Variants in SGCZ observed in about 807,000 individuals in gnomAD.
The protein encoded by SGCZ is zeta-sarcoglycan.
A neutral mutation model predicts 41.3 loss-of-function variants in SGCZ; 40 were observed. The ratio of observed to expected loss-of-function variants is 0.97; its 90% CI spans 0.75 to 1.26. SGCZ has a LOEUF of 1.26. Among genes scored for constraint, SGCZ ranks in the 50% most tolerant of loss-of-function variants. SGCZ has a pLI of 0.00. For synonymous variants in SGCZ, 206 were observed against 137.5 expected, an observed-to-expected ratio of 1.50 and a Z score of -3.49; for missense variants, 552 against 369.8, an observed-to-expected ratio of 1.49 and a Z score of -4.04.
At chr8:14,431,949 C>T (rs1563325232) in intron 2 of SGCZ, among the ~76,000 whole-genome samples, 1 of 152,136 alleles carries the variant, frequency 6.6e-6, no homozygotes, top group Admixed American at 6.6e-5. Flanking sequence ...CACTAATGAT[C>T]TGGGAAATGC....
Position 14,741,121 on chromosome 8 carries a change from A to G in SGCZ, c.40-186195T>C, listed in dbSNP as rs561645601. ...AAACAGAAATTAAAACCAGGAATATATATGTCTAAAGCTTGTGTATTTAAC... is the reference window on the plus strand; with the variant it reads ...AAACAGAAATTAAAACCAGGAATATGTATGTCTAAAGCTTGTGTATTTAAC... On this transcript the variant is annotated intron_variant, in intron 1 of 7. Coordinates refer to ENST00000382080, the MANE Select transcript of SGCZ (RefSeq NM_139167.4). Among the ~76,000 whole-genome samples, 3 of 152,168 alleles carry G rather than the reference A, an allele frequency of 2.0e-5. No individual in the cohort carries two copies. In the South Asian group the frequency reaches 6.2e-4, roughly 32 times the overall value.
Position 15,168,646 on chromosome 8 carries a change from C to T in SGCZ, c.39+68939G>A, listed in dbSNP as rs552944724. On this transcript the variant is annotated intron_variant, in intron 1 of 7. Coordinates refer to ENST00000382080, the MANE Select transcript of SGCZ (RefSeq NM_139167.4). ...GAAGGGAACCAGGGACACCTGTTCC[C>T]CTCTTTCTAGATGGGTAGCCATTCA... Among the ~76,000 whole-genome samples the T allele has an allele frequency of 5.3e-5, 8 of 152,244 alleles. No individual in the cohort carries two copies. In the South Asian group the frequency reaches 1.7e-3, roughly 32 times the overall value.
At chr8:15,039,967 T>C (rs1402637586) in intron 1 of SGCZ, among the ~76,000 whole-genome samples, 1 of 152,222 alleles carries the variant, frequency 6.6e-6, no homozygotes, top group African/African-American at 2.4e-5. Flanking sequence ...TTATAACTTA[T>C]GCTTCATATA....
intron 1 of SGCZ, among the ~76,000 whole-genome samples, chr8:15,018,241 G>A (rs527889277): frequency 6.6e-6 from 1 of 152,136 alleles, no homozygotes; most frequent in African/African-American, 2.4e-5. Flanking sequence ...TTTCACGATA[G>A]GACAGACACT....
chr8:14,700,026 C>T (rs1330686153), intron 1 of SGCZ, among the ~76,000 whole-genome samples: 1 of 151,918 alleles, frequency 6.6e-6, no homozygotes, highest in Non-Finnish European at 1.5e-5. Context: ...ATTTGTTCAG[C>T]CACTGTGGAA....
chr8:14,314,035 G>C (rs1191179800), intron 3 of SGCZ, among the ~76,000 whole-genome samples: 3 of 151,698 alleles, frequency 2.0e-5, no homozygotes, highest in African/African-American at 7.3e-5. Flanking sequence ...AGGTGATGAA[G>C]GGATCTTCAT....
At chr8:14,272,103 A>T (rs1353886576) in intron 3 of SGCZ, among the ~76,000 whole-genome samples, 2 of 152,136 alleles carry the variant, frequency 1.3e-5, no homozygotes, top group African/African-American at 4.8e-5. Flanking sequence ...TCCCAGGTTC[A>T]AGCGATTCTC....
At chr8:15,133,711 CA>C (rs577236813) in intron 1 of SGCZ, among the ~76,000 whole-genome samples, 168 of 152,270 alleles carry the variant, frequency 1.1e-3, no homozygotes, top group African/African-American at 3.9e-3. Flanking sequence ...AACAGTAAGA[CA>C]GAACCAAAGT....
At chr8:14,778,222 C>A (rs1348160872) in intron 1 of SGCZ, among the ~76,000 whole-genome samples, 2 of 152,092 alleles carry the variant, frequency 1.3e-5, no homozygotes, top group African/African-American at 4.8e-5. Context: ...AGCTAAAAAT[C>A]TTTATAAATT....
intron 1 of SGCZ, among the ~76,000 whole-genome samples, chr8:14,927,114 T>A (rs1199928699): frequency 7.1e-6 from 1 of 141,814 alleles, no homozygotes; most frequent in East Asian, 2.1e-4. Flanking sequence ...TTTTTTTTTT[T>A]TTTTTTTTTT....
intron 2 of SGCZ, among the ~76,000 whole-genome samples, chr8:14,357,776 G>A (rs887065468): frequency 6.6e-6 from 1 of 152,116 alleles, no homozygotes; most frequent in Non-Finnish European, 1.5e-5. Flanking sequence ...TTGAGGCTAA[G>A]GGAAGATGAA....
chr8:14,471,688 A>G (rs1801216873), intron 2 of SGCZ, among the ~76,000 whole-genome samples: 1 of 152,146 alleles, frequency 6.6e-6, no homozygotes, highest in Admixed American at 6.5e-5. Context: ...AATATTTACT[A>G]AATATTATGA....
At chr8:14,753,880 C>T (rs1232921403) in intron 1 of SGCZ, among the ~76,000 whole-genome samples, 3 of 152,166 alleles carry the variant, frequency 2.0e-5, no homozygotes, top group Non-Finnish European at 4.4e-5. Context: ...ACTTGAGTTG[C>T]TGTGGTAGCA....
At chr8:15,066,044 C>T (rs545395246) in intron 1 of SGCZ, among the ~76,000 whole-genome samples, 4 of 151,688 alleles carry the variant, frequency 2.6e-5, no homozygotes, top group African/African-American at 9.7e-5. Context: ...CGCGGTGGCT[C>T]ACGCCTGTAA....
chr8:14,825,135 T>G (rs1802256403), intron 1 of SGCZ, among the ~76,000 whole-genome samples: 1 of 152,194 alleles, frequency 6.6e-6, no homozygotes, highest in East Asian at 1.9e-4. Flanking sequence ...ACTTCCTCTC[T>G]CTTAAATTGA....
At chr8:14,600,888 C>G (rs137926341) in intron 1 of SGCZ, among the ~76,000 whole-genome samples, 1 of 151,106 alleles carries the variant, frequency 6.6e-6, no homozygotes. Flanking sequence ...AGACCTCAAG[C>G]CTTCTGATAT....
intron 1 of SGCZ, among the ~76,000 whole-genome samples, chr8:14,843,614 T>C (rs1802999834): frequency 6.6e-6 from 1 of 152,096 alleles, no homozygotes. Flanking sequence ...AAGTGTGTTT[T>C]TGCCCACAGA....
chr8:14,951,126 G>A (rs1214346537), intron 1 of SGCZ, among the ~76,000 whole-genome samples: 1 of 151,892 alleles, frequency 6.6e-6, no homozygotes, highest in African/African-American at 2.4e-5. Flanking sequence ...TGGCCTTAAT[G>A]TAATCTTATG....
chr8:14,791,111 T>A (rs1338851043), intron 1 of SGCZ, among the ~76,000 whole-genome samples: 1 of 151,966 alleles, frequency 6.6e-6, no homozygotes, highest in African/African-American at 2.4e-5. Context: ...AACAAAAATC[T>A]CTGAGTGATA....
Sources: allele counts gnomAD v4.1 joint callset (sites outside exome capture counted in the v4.1 genomes callset), GRCh38; gene constraint gnomAD v4.1.1; transcripts MANE v1.5; gene names NCBI Gene and HGNC (gene_info 2026-07-23, HGNC 2026-07-21).